The following PTPN13 variants were observed in gnomAD, a reference collection of about 807,000 sequenced individuals.
PTPN13 encodes the protein tyrosine-protein phosphatase non-receptor type 13.
Under a neutral mutation model 284.0 loss-of-function variants are expected in PTPN13, and 191 were observed. That is an observed-to-expected ratio of 0.67 (90% CI 0.60 to 0.76). The LOEUF (loss-of-function observed/expected upper bound fraction) is 0.76, where lower values mean the gene tolerates loss of function less well. Ranked by LOEUF, PTPN13 falls within the 30% of genes least tolerant of loss-of-function variation. The pLI is 0.00. For missense variants in PTPN13, 2,797 were observed against 2,939.9 expected, an observed-to-expected ratio of 0.95 and a Z score of 1.12; for synonymous variants, 986 against 1,022.3, an observed-to-expected ratio of 0.96 and a Z score of 0.68.
At position 86,774,415 on chromosome 4, in the gene PTPN13, A is replaced by T; in HGVS notation, c.5392A>T (p.Ser1798Cys). The T allele has an allele frequency of 6.2e-7, 1 of 1,607,184 alleles. No individual in the cohort carries two copies. Among genetic ancestry groups the T allele is most frequent in the Non-Finnish European group, 8.5e-7 (1 of 1,176,502 alleles). Residue 1798 changes from serine (S) to cysteine (C), a missense_variant, in exon 33 of 48, where the codon AGC becomes TGC. Physicochemically the swap from Ser to Cys is moderately radical, Grantham distance 112 (BLOSUM62 -1). Transcript: ENST00000411767. Reference sequence around the variant, plus strand: ...TACCCTAATTAAATCAGAAAAAGGAAGCCTGGGTTTTACAGTAACCAAAGG... The same window carrying T: ...TACCCTAATTAAATCAGAAAAAGGATGCCTGGGTTTTACAGTAACCAAAGG... ...LITLIKSEKG[S>C]LGFTVTKGNQ...
At chr4:86,627,698 T>C (rs1384594986) in intron 1 of PTPN13, among the ~76,000 whole-genome samples, 1 of 152,158 alleles carries the variant, frequency 6.6e-6, no homozygotes, top group African/African-American at 2.4e-5. Context: ...CTTTTTAATC[T>C]TTCCCACATG....
chr4:86,642,763 C>T (rs1723963620), intron 2 of PTPN13, among the ~76,000 whole-genome samples: 1 of 151,978 alleles, frequency 6.6e-6, no homozygotes, highest in African/African-American at 2.4e-5. Flanking sequence ...CCCACTTCAC[C>T]TTTTTAACTG....
rs555526145 is a variant in PTPN13, at chr4:86,708,070, A to T, written c.1195+6269A>T. Among the ~76,000 whole-genome samples, 7 of 152,328 alleles carry T rather than the reference A, an allele frequency of 4.6e-5. No individual in the cohort carries two copies. The South Asian group carries it at 1.4e-3, about 32-fold the overall frequency. On this transcript the variant is annotated intron_variant, in intron 7 of 47. Coordinates refer to ENST00000411767, the MANE Select transcript of PTPN13 (RefSeq NM_080683.3). The stretch of plus-strand genomic sequence containing the variant: ...CCAACAGAATTTCTTCAATGGAGGA[A>T]ATAGTCTATATCTGCACAGTCCAAC...
At chr4:86,814,163 C>T (rs191789104) in intron 47 of PTPN13, among the ~76,000 whole-genome samples, 4 of 151,672 alleles carry the variant, frequency 2.6e-5, no homozygotes, top group Non-Finnish European at 4.4e-5. Context: ...CGTGCCACGA[C>T]GCCCAGCTAA....
chr4:86,744,045 A>T (rs569142830), intron 16 of PTPN13, among the ~76,000 whole-genome samples: 1 of 152,264 alleles, frequency 6.6e-6, no homozygotes, highest in East Asian at 1.9e-4. Flanking sequence ...TCCACAAAAG[A>T]CATTCAGTTT....
At chr4:86,686,995 A>G (rs966132014) in intron 4 of PTPN13, among the ~76,000 whole-genome samples, 5 of 152,198 alleles carry the variant, frequency 3.3e-5, no homozygotes, top group Non-Finnish European at 7.3e-5. Context: ...AATTGTAGCA[A>G]TCACTACCCA....
At chr4:86,695,698 TC>T (rs1403928679) in intron 6 of PTPN13, among the ~76,000 whole-genome samples, 2 of 151,866 alleles carry the variant, frequency 1.3e-5, no homozygotes, top group African/African-American at 4.8e-5. Context: ...TCTCCCTCCC[TC>T]CTTTCTTATT....
At chr4:86,691,078 G>A (rs1729971596) in intron 5 of PTPN13, among the ~76,000 whole-genome samples, 1 of 151,976 alleles carries the variant, frequency 6.6e-6, no homozygotes, top group Non-Finnish European at 1.5e-5. Context: ...ATAGCACTTT[G>A]AAGCTGAGCA....
rs184483641 is a variant in PTPN13, at chr4:86,729,543, T to C, written c.1609-2857T>C. On this transcript the variant is annotated intron_variant, in intron 10 of 47. Transcript: ENST00000411767. ...CTTGGAGGCTTTGTTCGTTTCTTTT[T>C]ACTATTTTTTCTCTAATCTTGTCTT... is the stretch of plus-strand genomic sequence containing the variant. Among the ~76,000 whole-genome samples the C allele has an allele frequency of 2.3e-4, 34 of 149,728 alleles. No individual in the cohort carries two copies. In the East Asian group the frequency reaches 6.6e-3, roughly 29 times the overall value.
At chr4:86,730,888 A>G (rs1485901596) in intron 10 of PTPN13, among the ~76,000 whole-genome samples, 2 of 152,118 alleles carry the variant, frequency 1.3e-5, no homozygotes, top group African/African-American at 2.4e-5. Flanking sequence ...TTCTGTGTCG[A>G]TCACACTGGG....
chr4:86,688,576 TTTAAG>T (rs1398115253), intron 4 of PTPN13, among the ~76,000 whole-genome samples: 2 of 152,120 alleles, frequency 1.3e-5, no homozygotes, highest in African/African-American at 2.4e-5. Context: ...TTAAATCTTC[TTTAAG>T]TTATCATGGG....
chr4:86,695,160 A>G (rs1730467964), intron 6 of PTPN13, among the ~76,000 whole-genome samples: 1 of 152,240 alleles, frequency 6.6e-6, no homozygotes, highest in Admixed American at 6.5e-5. Context: ...GTGAATAAAG[A>G]CTATCTGAAA....
At chr4:86,605,826 TAA>T (rs1020482812) in intron 1 of PTPN13, among the ~76,000 whole-genome samples, 1 of 151,622 alleles carries the variant, frequency 6.6e-6, no homozygotes, top group Non-Finnish European at 1.5e-5. Flanking sequence ...GTGGTGAAAA[TAA>T]AGAGATATAG....
intron 1 of PTPN13, among the ~76,000 whole-genome samples, chr4:86,618,947 C>A (rs1212898686): frequency 6.6e-6 from 1 of 152,300 alleles, no homozygotes; most frequent in Non-Finnish European, 1.5e-5. Context: ...TGCCCCTGGC[C>A]AGAACTTCCA....
chr4:86,782,361 C>T, intron 37 of PTPN13, 99 bp downstream of exon 37: 1 of 1,135,744 alleles, frequency 8.8e-7, no homozygotes, highest in Non-Finnish European at 1.3e-6. Flanking sequence ...AAATATTTGT[C>T]TTCTTTAGAT....
chr4:86,718,253 T>G (rs1158566442), intron 9 of PTPN13, among the ~76,000 whole-genome samples: 1 of 152,186 alleles, frequency 6.6e-6, no homozygotes, highest in African/African-American at 2.4e-5. Flanking sequence ...TTAATTCAGA[T>G]GCTACCAAAT....
intron 3 of PTPN13, among the ~76,000 whole-genome samples, chr4:86,684,957 T>C (rs1380228698): frequency 2.0e-5 from 3 of 152,178 alleles, no homozygotes; most frequent in Non-Finnish European, 4.4e-5. Flanking sequence ...TTCTCTAATA[T>C]ATCTCTAGCA....
chr4:86,616,683 G>A (rs935478353), intron 1 of PTPN13, among the ~76,000 whole-genome samples: 1 of 152,066 alleles, frequency 6.6e-6, no homozygotes, highest in Non-Finnish European at 1.5e-5. Context: ...TCTCTCCCTT[G>A]CTCCTGCTTT....
intron 2 of PTPN13, among the ~76,000 whole-genome samples, chr4:86,642,351 A>G (rs879535215): frequency 6.6e-6 from 1 of 151,964 alleles, no homozygotes; most frequent in Non-Finnish European, 1.5e-5. Flanking sequence ...TATTGAAATA[A>G]AAGTTCTGGG....
Sources: gnomAD v4.1 joint callset for allele counts (sites outside exome capture counted in the v4.1 genomes callset) on GRCh38, gnomAD v4.1.1 for gene constraint, MANE v1.5 for transcripts, NCBI Gene and HGNC (gene_info 2026-07-23, HGNC 2026-07-21) for gene names.